The following ARNT2 variants were observed in gnomAD, a reference collection of about 807,000 sequenced individuals.
ARNT2 encodes the protein aryl hydrocarbon receptor nuclear translocator 2.
In ARNT2, 36 loss-of-function variants were observed where a neutral mutation model predicts 91.7. The ratio of observed to expected loss-of-function variants is 0.39; its 90% CI spans 0.30 to 0.52. The LOEUF is 0.52. Ranked by LOEUF, ARNT2 falls within the 20% of genes least tolerant of loss-of-function variation. The probability of loss-of-function intolerance (pLI) is 0.72; values close to 1 mark genes in which losing one functional copy is unlikely to be tolerated. For missense variants in ARNT2, 775 were observed against 939.3 expected (o/e 0.83, Z 2.29); for synonymous variants, 365 against 347.1 (o/e 1.05, Z -0.57).
Position 80,597,688 on chromosome 15 carries a change from C to T in ARNT2, c.*3990C>T, listed in dbSNP as rs77985503. The T allele has an allele frequency of 0.015, 2,338 of 155,024 alleles. 55 individuals carry two copies. The highest frequency in any genetic ancestry group is 0.054 in the African/African-American group (2,232 of 41,570). 9.6% of individuals were successfully genotyped at this position (155,024 alleles called of 1,614,324 possible). On this transcript the variant is annotated 3_prime_UTR_variant, in exon 19 of 19. Coordinates refer to ENST00000303329, the MANE Select transcript of ARNT2 (RefSeq NM_014862.4). ...GAGCAGGACGGCTTGCTTCATCTAA[C>T]AATCTCAGTTTCCTTTAAAAAAAGA...
intron 12 of ARNT2, 78 bp from the exon 13 acceptor site, chr15:80,574,070 T>C: frequency 8.4e-7 from 1 of 1,188,298 alleles, no homozygotes; most frequent in Non-Finnish European, 1.3e-6. Context: ...GCCTCTGAGG[T>C]ATGGGAAAAG....
rs533681398 is a variant in ARNT2 at position 80,470,806 on chromosome 15, T to A, written c.408+375T>A. Among the ~76,000 whole-genome samples the A allele has an allele frequency of 8.5e-5, 13 of 152,312 alleles. No individual in the cohort carries two copies. In the South Asian group the frequency reaches 2.7e-3, roughly 32 times the overall value. Reference sequence around the variant, plus strand: ...TCCACATCACTGATCATTAGAGAAGTGCAAATCAAAACCACTATGAGATAC... The same window carrying A: ...TCCACATCACTGATCATTAGAGAAGAGCAAATCAAAACCACTATGAGATAC... On this transcript the variant is annotated intron_variant, in intron 4 of 18. Coordinates refer to ENST00000303329, the MANE Select transcript of ARNT2 (RefSeq NM_014862.4).
intron 15 of ARNT2, 187 bp from the exon 16 acceptor site, chr15:80,580,224 C>T (rs1898765380): frequency 1.4e-6 from 1 of 715,288 alleles, no homozygotes; most frequent in Non-Finnish European, 2.4e-6. Flanking sequence ...AGAGGAAGCC[C>T]TGAAGGGAGA....
At chr15:80,581,015 C>T in intron 16 of ARNT2, 2 of 591,128 alleles carry the variant, frequency 3.4e-6, no homozygotes, top group South Asian at 4.5e-5. Flanking sequence ...ATCCTCGTAG[C>T]CCTGGGGAGT....
chr15:80,588,965 G>A (rs773972247), intron 17 of ARNT2, among the ~76,000 whole-genome samples: 3 of 152,116 alleles, frequency 2.0e-5, no homozygotes, highest in Non-Finnish European at 4.4e-5. Flanking sequence ...TGGAGCCCAC[G>A]TCAGAGCAGG....
intron 17 of ARNT2, among the ~76,000 whole-genome samples, chr15:80,586,840 CAAA>C (rs10679933): frequency 1.8e-5 from 2 of 113,058 alleles, no homozygotes. Context: ...GACTCCATTT[CAAA>C]AAAAAAAAAA....
At chr15:80,512,362 C>A (rs978592891) in intron 6 of ARNT2, among the ~76,000 whole-genome samples, 1 of 152,202 alleles carries the variant, frequency 6.6e-6, no homozygotes, top group African/African-American at 2.4e-5. Flanking sequence ...CGAGGCTGAG[C>A]CTCTGGAATT....
intron 1 of ARNT2, chr15:80,436,242 C>T (rs55747209): frequency 0.016 from 2,389 of 153,702 alleles, 77 homozygotes; most frequent in African/African-American, 0.053. Context: ...TGAGCAGTCA[C>T]CAAGGCTTCT....
Position 80,563,097 on chromosome 15 carries a change from C to G in ARNT2, c.1174C>G (p.Leu392Val), listed in dbSNP as rs1384194086. 1 of 1,614,180 alleles carries G rather than the reference C, an allele frequency of 6.2e-7. No individual in the cohort carries two copies. The highest frequency in any genetic ancestry group is 1.7e-5 in the Admixed American group (1 of 60,020). ...LRESFQQVVK[L>V]KGQVLSVMYR... ...CCAAATGTTTTCTCAGGTGGTTAAGCTGAAAGGCCAAGTCCTGTCGGTCAT... is the reference window on the plus strand; with the variant it reads ...CCAAATGTTTTCTCAGGTGGTTAAGGTGAAAGGCCAAGTCCTGTCGGTCAT... Residue 392 changes from leucine to valine, a missense_variant, in exon 12 of 19, where the codon CTG becomes GTG. This residue lies in a region of ARNT2 where 285 missense variants were observed against 327.2 expected (regional missense o/e 0.87). Transcript: ENST00000303329.
At chr15:80,573,552 AGCC>A (rs1358545281) in intron 12 of ARNT2, among the ~76,000 whole-genome samples, 2 of 152,184 alleles carry the variant, frequency 1.3e-5, no homozygotes, top group African/African-American at 4.8e-5. Context: ...AATCCAGTAA[AGCC>A]GCCATTTCCT....
chr15:80,546,535 G>A (rs1670729043), intron 8 of ARNT2, among the ~76,000 whole-genome samples: 1 of 152,254 alleles, frequency 6.6e-6, no homozygotes, highest in African/African-American at 2.4e-5. Context: ...TTGGTAGAGA[G>A]ATTTGGGCAC....
intron 5 of ARNT2, among the ~76,000 whole-genome samples, chr15:80,479,719 G>A (rs1595980588): frequency 1.3e-5 from 2 of 152,168 alleles, no homozygotes; most frequent in East Asian, 3.9e-4. Flanking sequence ...TATTCTGAAG[G>A]CTCAGCAGAA....
At chr15:80,418,817 A>G (rs1329195850) in intron 1 of ARNT2, among the ~76,000 whole-genome samples, 2 of 152,216 alleles carry the variant, frequency 1.3e-5, no homozygotes, top group East Asian at 1.9e-4. Context: ...ACAACACTTT[A>G]TGGACAGACT....
intron 3 of ARNT2, among the ~76,000 whole-genome samples, chr15:80,462,365 G>A (rs62006386): frequency 0.21 from 32,507 of 152,112 alleles, 3,835 homozygotes; most frequent in African/African-American, 0.31. Flanking sequence ...CGTGCTCATC[G>A]TGTGCCTTAC....
At chr15:80,455,467 C>T (rs1409476889) in intron 2 of ARNT2, among the ~76,000 whole-genome samples, 1 of 152,026 alleles carries the variant, frequency 6.6e-6, no homozygotes, top group Non-Finnish European at 1.5e-5. Flanking sequence ...TTTCTCATAC[C>T]CTCTGCTTGA....
chr15:80,492,066 G>C (rs1897065155), intron 5 of ARNT2, among the ~76,000 whole-genome samples: 1 of 151,388 alleles, frequency 6.6e-6, no homozygotes, highest in Non-Finnish European at 1.5e-5. Context: ...TTCTAGACAG[G>C]GTCTTCTTTG....
intron 5 of ARNT2, among the ~76,000 whole-genome samples, chr15:80,494,483 A>G (rs975885150): frequency 6.6e-6 from 1 of 152,186 alleles, no homozygotes; most frequent in Non-Finnish European, 1.5e-5. Context: ...TTGTAGCATG[A>G]TACCCCAAGA....
chr15:80,533,562 G>A (rs1432427277), intron 8 of ARNT2, among the ~76,000 whole-genome samples: 1 of 152,202 alleles, frequency 6.6e-6, no homozygotes, highest in Non-Finnish European at 1.5e-5. Flanking sequence ...CCTGCTCTGA[G>A]GGGCATTTTC....
chr15:80,576,791 C>T (rs1420879636), intron 14 of ARNT2, 75 bp from the exon 15 acceptor site: 2 of 1,524,932 alleles, frequency 1.3e-6, no homozygotes, highest in Non-Finnish European at 1.8e-6. Context: ...CCCTGCACCT[C>T]TTCTTGGGGC....
Sources: gnomAD v4.1 joint callset for allele counts (sites outside exome capture counted in the v4.1 genomes callset) on GRCh38, gnomAD v4.1.1 for gene constraint, gnomAD v4.1.1 regional missense constraint, MANE v1.5 for transcripts, NCBI Gene and HGNC (gene_info 2026-07-23, HGNC 2026-07-21) for gene names.